The following UPF3A variants were observed in gnomAD, a reference collection of about 807,000 sequenced individuals.
UPF3A encodes the protein UPF3A regulator of nonsense mediated mRNA decay, also known as regulator of nonsense transcripts 3A.
A neutral mutation model predicts 53.5 loss-of-function variants in UPF3A; 42 were observed. The ratio of observed to expected loss-of-function variants is 0.78; its 90% confidence interval spans 0.61 to 1.01. The LOEUF (loss-of-function observed/expected upper bound fraction) is 1.01. Among genes scored for constraint, UPF3A ranks in the 50% least tolerant of loss-of-function variants. UPF3A has a pLI of 0.00. For missense variants in UPF3A, 575 were observed against 598.0 expected (o/e 0.96, Z 0.40); for synonymous variants, 237 against 225.3 (o/e 1.05, Z -0.47).
At chr13:114,304,709 A>C in intron 9 of UPF3A, 80 bp from the exon 10 acceptor site, 1 of 1,527,874 alleles carries the variant, frequency 6.5e-7, no homozygotes. Context: ...CATATCATCA[A>C]GTTCTAGAAA....
chr13:114,289,353 G>A (rs1163936036), intron 5 of UPF3A, among the ~76,000 whole-genome samples: 1 of 151,818 alleles, frequency 6.6e-6, no homozygotes, highest in African/African-American at 2.4e-5. Context: ...GTGAAACCCC[G>A]TTTTTACTAA....
chr13:114,283,931 A>C (rs1186445430), intron 3 of UPF3A: 1 of 985,302 alleles, frequency 1.0e-6, no homozygotes, highest in Non-Finnish European at 1.2e-6. Context: ...ATGAGGGGTA[A>C]GGACTAGAAA....
chr13:114,298,494 T>C (rs987118231), intron 7 of UPF3A, among the ~76,000 whole-genome samples: 3 of 151,722 alleles, frequency 2.0e-5, no homozygotes, highest in Admixed American at 2.0e-4. Context: ...GAGCCGGGAG[T>C]GCGCCACGGC....
Position 114,282,949 on chromosome 13 carries a change from A to G in UPF3A, c.421+6A>G, listed in dbSNP as rs536731008. On this transcript the variant is annotated splice_donor_region_variant and intron_variant, in intron 3 of 9. Coordinates refer to ENST00000375299, the MANE Select transcript of UPF3A (RefSeq NM_023011.4). ...TATCTTCCTTGACAGCAAAGGTTGGATTATTGGTTTTTAAAAATCTATTAT... is the reference window on the plus strand; with the variant it reads ...TATCTTCCTTGACAGCAAAGGTTGGGTTATTGGTTTTTAAAAATCTATTAT... The G allele has an allele frequency of 6.3e-7, 1 of 1,580,974 alleles. No homozygotes were observed. The highest frequency in any genetic ancestry group is 1.1e-5 in the South Asian group (1 of 88,164).
chr13:114,301,595 G>A (rs1357882896), intron 8 of UPF3A, 136 bp from the exon 9 acceptor site: 5 of 715,204 alleles, frequency 7.0e-6, no homozygotes, highest in East Asian at 5.4e-5. Flanking sequence ...TGTGCCCATC[G>A]CAGTGCAGCC....
chr13:114,284,284 C>T (rs1212332469), intron 3 of UPF3A, among the ~76,000 whole-genome samples: 1 of 152,014 alleles, frequency 6.6e-6, no homozygotes, highest in Non-Finnish European at 1.5e-5. Flanking sequence ...ATTGCTTGAA[C>T]CTGGGAGGCG....
intron 9 of UPF3A, among the ~76,000 whole-genome samples, chr13:114,303,559 G>A (rs976678594): frequency 2.0e-5 from 3 of 152,160 alleles, no homozygotes; most frequent in African/African-American, 7.2e-5. Context: ...GCCAAGGCGG[G>A]TGGAACACCT....
At chr13:114,298,156 GAGGT>G (rs1342488047) in intron 7 of UPF3A, among the ~76,000 whole-genome samples, 2 of 152,212 alleles carry the variant, frequency 1.3e-5, no homozygotes, top group African/African-American at 4.8e-5. Context: ...TGGATTGCCT[GAGGT>G]CAGGGGTTTG....
At chr13:114,299,176 T>C (rs1226315020) in intron 8 of UPF3A, among the ~76,000 whole-genome samples, 176 bp downstream of exon 8, 3 of 152,242 alleles carry the variant, frequency 2.0e-5, no homozygotes, top group African/African-American at 7.2e-5. Flanking sequence ...TGAACTCGTC[T>C]TGTCTGCAGT....
chr13:114,304,727 A>T (rs567775461), intron 9 of UPF3A, 62 bp from the exon 10 acceptor site: 2 of 1,567,702 alleles, frequency 1.3e-6, no homozygotes, highest in East Asian at 4.5e-5. Flanking sequence ...AAATATAGGG[A>T]GATATTGACC....
At chr13:114,297,040 C>T (rs74116885) in intron 7 of UPF3A, among the ~76,000 whole-genome samples, 4,244 of 152,196 alleles carry the variant, frequency 0.028, 201 homozygotes, top group African/African-American at 0.097. Flanking sequence ...ATGGGGCCCA[C>T]GCTTGATGAG....
At chr13:114,286,054 C>G in intron 3 of UPF3A, 1 of 465,886 alleles carries the variant, frequency 2.1e-6, no homozygotes, top group Middle Eastern at 5.6e-4. Context: ...GTTCTTCTTA[C>G]CAGGAGTTCA....
chr13:114,287,715 A>C (rs1296850595), intron 5 of UPF3A: 1 of 152,182 alleles, frequency 6.6e-6, no homozygotes, highest in Non-Finnish European at 1.5e-5. Flanking sequence ...TTTCATCTTC[A>C]TGGTTGTAGA....
At chr13:114,294,730 C>T (rs1288876915) in intron 7 of UPF3A, among the ~76,000 whole-genome samples, 1 of 151,674 alleles carries the variant, frequency 6.6e-6, no homozygotes, top group Non-Finnish European at 1.5e-5. Context: ...GAGGCTGAGG[C>T]AGGAGAATCG....
In UPF3A at chr13:114,301,881, G is replaced by A; in HGVS notation, c.1158G>A (p.Gln386=). 6.2e-7 allele frequency: 1 copy of A among 1,611,504 alleles called. No individual in the cohort carries two copies. Among genetic ancestry groups the A allele is most frequent in the Non-Finnish European group, 8.5e-7 (1 of 1,178,984 alleles). The change falls in exon 9 of 10, where the codon CAG becomes CAA. Residue 386 remains glutamine, a synonymous_variant. Transcript: ENST00000375299. ...TTTCCAGAAGGAGTGAGGATGAGCA[G>A]AGATGGGGGAAAGGACCTGGCCAAG... is the stretch of plus-strand genomic sequence containing the variant. ...ERLSRRSEDE[Q]RWGKGPGQDR...
At chr13:114,303,729 C>T (rs2086796741) in intron 9 of UPF3A, among the ~76,000 whole-genome samples, 1 of 151,826 alleles carries the variant, frequency 6.6e-6, no homozygotes, top group Non-Finnish European at 1.5e-5. Context: ...GAGGTTGCAG[C>T]GAGCCCAGAT....
chr13:114,291,606 T>G, intron 6 of UPF3A, 28 bp from the exon 7 acceptor site: 5 of 1,606,118 alleles, frequency 3.1e-6, no homozygotes, highest in Admixed American at 1.7e-5. Flanking sequence ...TCCAGGCAGT[T>G]TATACACACG....
Position 114,292,183 on chromosome 13 carries a change from C to G in UPF3A, c.846+391C>G, listed in dbSNP as rs141784179. Among the ~76,000 whole-genome samples, 14 of 130,960 alleles carry G rather than the reference C, an allele frequency of 1.1e-4. No homozygotes were observed. The East Asian group carries it at 1.6e-3, about 15-fold the overall frequency. The allele number at this position is 130,960 out of a possible 152,430, so 85.9% of individuals were successfully genotyped here. A position where few individuals can be genotyped will look rare whatever the true frequency, so the allele number is the denominator to read the frequency against. On this transcript the variant is annotated intron_variant, in intron 7 of 9. Transcript: ENST00000375299. ...TGTTACATGTTCATTGTCAGCTCAA[C>G]GCGTACACGTGCAGGTGTGTTACGT...
rs191600623 is a variant in UPF3A at position 114,287,144 on chromosome 13, T to C, written c.631+515T>C. On this transcript the variant is annotated intron_variant, in intron 5 of 9. Transcript: ENST00000375299. ...CCCCATGCCCACAAGTGGTGTACTT[T>C]AGAAATAGTTACTTCCCAGTAGCAC... The C allele has an allele frequency of 3.5e-3, 548 of 154,634 alleles. 4 individuals carry two copies. Among genetic ancestry groups the C allele is most frequent in the Admixed American group, 4.8e-3 (75 of 15,648 alleles). 9.6% of individuals were successfully genotyped at this position (154,634 alleles called of 1,614,324 possible). A position where few individuals can be genotyped will look rare whatever the true frequency, so the allele number is the denominator to read the frequency against.
Sources: gnomAD v4.1 joint callset for allele counts (sites outside exome capture counted in the v4.1 genomes callset) on GRCh38, gnomAD v4.1.1 for gene constraint, MANE v1.5 for transcripts, NCBI Gene and HGNC (gene_info 2026-07-23, HGNC 2026-07-21) for gene names.